Variants in ARHGEF3 observed in about 807,000 individuals in gnomAD.
ARHGEF3 encodes 59.8 kDA protein.
In ARHGEF3, 28 loss-of-function variants were observed where a neutral mutation model predicts 63.2. The observed-to-expected ratio is 0.44, with a 90% CI of 0.33 to 0.61. ARHGEF3 has a LOEUF of 0.61. Ranked by LOEUF, ARHGEF3 falls within the 20% of genes least tolerant of loss-of-function variation. The probability of loss-of-function intolerance (pLI) is 0.03; values close to 1 mark genes in which losing one functional copy is unlikely to be tolerated. For missense variants in ARHGEF3, 533 were observed against 659.3 expected, an observed-to-expected ratio of 0.81 and a Z score of 2.10; for synonymous variants, 266 against 254.2, an observed-to-expected ratio of 1.05 and a Z score of -0.44.
chr3:56,962,254 C>G (rs1010338980), intron 2 of ARHGEF3, among the ~76,000 whole-genome samples: 1 of 152,204 alleles, frequency 6.6e-6, no homozygotes. Flanking sequence ...AGCACCAACA[C>G]CAGGTCCTCA....
chr3:56,861,100 C>A (rs1302620463), intron 4 of ARHGEF3, among the ~76,000 whole-genome samples: 2 of 152,184 alleles, frequency 1.3e-5, no homozygotes, highest in Admixed American at 6.5e-5. Flanking sequence ...ACCATGTCGG[C>A]TTTAGCTTCC....
intron 2 of ARHGEF3, among the ~76,000 whole-genome samples, chr3:56,962,084 C>CCATA (rs1437434048): frequency 6.6e-6 from 1 of 152,114 alleles, no homozygotes; most frequent in Non-Finnish European, 1.5e-5. Context: ...TATCCTGATA[C>CCATA]CATAATAGCC....
chr3:56,808,379 C>T (rs901272403), intron 4 of ARHGEF3, among the ~76,000 whole-genome samples: 3 of 152,032 alleles, frequency 2.0e-5, no homozygotes, highest in African/African-American at 7.2e-5. Flanking sequence ...CGCAGGCGTT[C>T]GAGACCAGCC....
At chr3:56,768,348 T>C (rs1224004064) in intron 2 of ARHGEF3, among the ~76,000 whole-genome samples, 1 of 151,940 alleles carries the variant, frequency 6.6e-6, no homozygotes, top group African/African-American at 2.4e-5. Flanking sequence ...TGTGAGCCAC[T>C]ACACCCGGCC....
At chr3:56,956,090 A>G (rs1700030655) in intron 3 of ARHGEF3, among the ~76,000 whole-genome samples, 1 of 152,208 alleles carries the variant, frequency 6.6e-6, no homozygotes, top group South Asian at 2.1e-4. Context: ...TAATCACCTA[A>G]CTGACAACTT....
chr3:57,015,621 T>C (rs967806898), intron 2 of ARHGEF3, among the ~76,000 whole-genome samples: 1 of 140,832 alleles, frequency 7.1e-6, no homozygotes, highest in Non-Finnish European at 1.6e-5. Context: ...TTTTTTTTTT[T>C]AGTACAAACG....
chr3:57,013,299 G>C (rs1375679764), intron 2 of ARHGEF3, among the ~76,000 whole-genome samples: 1 of 152,250 alleles, frequency 6.6e-6, no homozygotes. Flanking sequence ...GCCCTGGCAT[G>C]GGATCCACTA....
At position 56,893,344 on chromosome 3, in the gene ARHGEF3, A is replaced by G. The variant is rs911545090; in HGVS notation, c.130-10990T>C. Among the ~76,000 whole-genome samples the G allele has an allele frequency of 5.7e-4, 86 of 152,052 alleles. 1 individual carries two copies. The highest frequency in any genetic ancestry group is 2.0e-3 in the African/African-American group (83 of 41,376). ...AGGCATGTGCCACTGTGTCCAGCTA[A>G]TTATTTTACTGTTATGTAGAGATAG... On this transcript the variant is annotated intron_variant, in intron 3 of 12. Coordinates refer to the ARHGEF3 transcript ENST00000338458.
At chr3:56,996,892 T>TA (rs202043317) in intron 2 of ARHGEF3, among the ~76,000 whole-genome samples, 26,826 of 122,062 alleles carry the variant, frequency 0.22, 2,754 homozygotes, top group Non-Finnish European at 0.27. Context: ...TTATTATTAT[T>TA]TTTTTTTTTT....
At chr3:57,022,191 T>A (rs577418141) in intron 2 of ARHGEF3, among the ~76,000 whole-genome samples, 2 of 152,090 alleles carry the variant, frequency 1.3e-5, no homozygotes, top group East Asian at 3.9e-4. Flanking sequence ...GGGGGATTGC[T>A]TGAGCTCAGG....
intron 2 of ARHGEF3, among the ~76,000 whole-genome samples, chr3:57,014,134 A>C (rs758157839): frequency 1.3e-5 from 2 of 152,214 alleles, no homozygotes; most frequent in African/African-American, 2.4e-5. Flanking sequence ...AAGAGCTGTA[A>C]CACTCAGCGG....
intron 4 of ARHGEF3, among the ~76,000 whole-genome samples, chr3:56,820,830 T>C (rs1281636152): frequency 6.6e-6 from 1 of 152,136 alleles, no homozygotes; most frequent in Non-Finnish European, 1.5e-5. Flanking sequence ...TGAGGAATTA[T>C]TGTTAATCTT....
rs564205939 is a variant in ARHGEF3 at position 56,812,898 on chromosome 3, C to G, written c.193-39082G>C. Among the ~76,000 whole-genome samples the G allele has an allele frequency of 1.6e-4, 25 of 152,280 alleles. No individual in the cohort carries two copies. The East Asian group carries it at 4.8e-3, about 29-fold the overall frequency. ...TTGAGAGCTCATTCTGGTTTAGAGA[C>G]AATACATGGTGAACAAAGCTCATCT... On this transcript the variant is annotated intron_variant, in intron 4 of 12. Coordinates refer to the ARHGEF3 transcript ENST00000338458.
intron 1 of ARHGEF3, among the ~76,000 whole-genome samples, chr3:56,778,797 A>C (rs1421974423): frequency 6.6e-6 from 1 of 152,196 alleles, no homozygotes; most frequent in Non-Finnish European, 1.5e-5. Context: ...GGCTTCCCAA[A>C]GTGCTGGGGA....
chr3:57,022,553 C>T (rs544182095), intron 2 of ARHGEF3, among the ~76,000 whole-genome samples: 1 of 152,296 alleles, frequency 6.6e-6, no homozygotes, highest in Non-Finnish European at 1.5e-5. Flanking sequence ...TTCTTGTGCT[C>T]TGCCACATTT....
rs1320267442 is a variant in ARHGEF3, at chr3:57,032,551, G to T, written c.62+2537C>A. ...TCCTTTTACTCTTTGGGTTGGTTTT[G>T]AATACGTTTCTGTCTGTTACCTAAT... On this transcript the variant is annotated intron_variant, in intron 2 of 12. Transcript: ENST00000338458. 2.0e-5 allele frequency among the ~76,000 whole-genome samples: 3 copies of T among 152,192 alleles called. No individual in the cohort carries two copies. In the South Asian group the frequency reaches 6.2e-4, roughly 32 times the overall value.
intron 1 of ARHGEF3, among the ~76,000 whole-genome samples, chr3:56,786,367 T>C (rs1276429685): frequency 6.6e-6 from 1 of 152,156 alleles, no homozygotes; most frequent in Non-Finnish European, 1.5e-5. Flanking sequence ...AGGTAAGTAA[T>C]CTATAATGGA....
intron 2 of ARHGEF3, among the ~76,000 whole-genome samples, chr3:56,763,415 G>GA (rs1485191296): frequency 6.6e-6 from 1 of 152,122 alleles, no homozygotes; most frequent in African/African-American, 2.4e-5. Context: ...CTTCCATTAG[G>GA]ATAACTCCTA....
At chr3:56,859,004 G>A (rs1291642252) in intron 4 of ARHGEF3, among the ~76,000 whole-genome samples, 1 of 152,150 alleles carries the variant, frequency 6.6e-6, no homozygotes, top group African/African-American at 2.4e-5. Context: ...ACAAAAAAAT[G>A]TAGGATTATG....
Sources: gnomAD v4.1 joint callset for allele counts (sites outside exome capture counted in the v4.1 genomes callset) on GRCh38, gnomAD v4.1.1 for gene constraint, MANE v1.5 for transcripts, NCBI Gene and HGNC (gene_info 2026-07-23, HGNC 2026-07-21) for gene names.